Variants in AKAP19 observed in about 807,000 individuals in gnomAD.
AKAP19 encodes small A-kinase anchoring protein.
chr2:190,199,777 C>T, the AKAP19 span: 2 of 1,555,904 alleles, frequency 1.3e-6, no homozygotes, highest in Admixed American at 1.9e-5. Context: ...TGGTCAACAT[C>T]ACATGGACAA....
the AKAP19 span, among the ~76,000 whole-genome samples, chr2:189,988,643 C>G: frequency 7.2e-5 from 11 of 152,120 alleles, no homozygotes; most frequent in African/African-American, 2.7e-4. Flanking sequence ...AGAGAGGGAG[C>G]GAATCTTTTC....
chr2:189,973,833 C>G, the AKAP19 span, among the ~76,000 whole-genome samples: 17 of 152,064 alleles, frequency 1.1e-4, no homozygotes, highest in African/African-American at 4.1e-4. Flanking sequence ...GGTGATATCC[C>G]CTTTATCATT....
the AKAP19 span, among the ~76,000 whole-genome samples, chr2:190,016,534 C>G: frequency 6.6e-6 from 1 of 152,190 alleles, no homozygotes; most frequent in Non-Finnish European, 1.5e-5. Flanking sequence ...GATGGGGACA[C>G]AAAGCCTAAT....
the AKAP19 span, among the ~76,000 whole-genome samples, chr2:190,010,706 A>G: frequency 1.3e-5 from 2 of 152,196 alleles, no homozygotes; most frequent in African/African-American, 4.8e-5. Flanking sequence ...ATATCACAAA[A>G]TCTCTGCATA....
chr2:190,167,790 T>A, the AKAP19 span, among the ~76,000 whole-genome samples: 9 of 152,316 alleles, frequency 5.9e-5, no homozygotes. Context: ...TGAGTTCCCA[T>A]GGTCTTAGGC....
chr2:189,998,771 C>CTTTCT, the AKAP19 span, among the ~76,000 whole-genome samples: 64 of 97,548 alleles, frequency 6.6e-4, no homozygotes, highest in East Asian at 4.1e-3. Flanking sequence ...TTCTTTCTTT[C>CTTTCT]TTTTTTTTTT....
At chr2:190,105,793 ACT>A in the AKAP19 span, among the ~76,000 whole-genome samples, 1 of 152,118 alleles carries the variant, frequency 6.6e-6, no homozygotes, top group Non-Finnish European at 1.5e-5. Flanking sequence ...CTCAAACATG[ACT>A]CTGCCCTAGC....
At chr2:190,067,340 G>A in the AKAP19 span, among the ~76,000 whole-genome samples, 1 of 152,132 alleles carries the variant, frequency 6.6e-6, no homozygotes, top group African/African-American at 2.4e-5. Context: ...AAGCACCCCA[G>A]TGATCCCCAG....
the AKAP19 span, among the ~76,000 whole-genome samples, chr2:189,894,435 C>T: frequency 2.6e-5 from 4 of 152,020 alleles, no homozygotes; most frequent in Non-Finnish European, 5.9e-5. Context: ...TTTGGGCATC[C>T]TCAAATAAAA....
the AKAP19 span, among the ~76,000 whole-genome samples, chr2:190,105,358 G>T: frequency 6.6e-6 from 1 of 151,930 alleles, no homozygotes; most frequent in Non-Finnish European, 1.5e-5. Flanking sequence ...ATAATTACTG[G>T]CTGATTGATT....
the AKAP19 span, chr2:190,200,002 G>A: frequency 6.2e-7 from 1 of 1,614,094 alleles, no homozygotes; most frequent in East Asian, 2.2e-5. Flanking sequence ...CAAAGAGGAA[G>A]TGAAGGAACC....
At chr2:190,179,955 C>T in the AKAP19 span, among the ~76,000 whole-genome samples, 1 of 152,130 alleles carries the variant, frequency 6.6e-6, no homozygotes, top group Non-Finnish European at 1.5e-5. The surrounding 1 kb of genome is among the most constrained non-coding windows in gnomAD (Gnocchi z 6.0). Flanking sequence ...ATCACATGGA[C>T]TGTGCGGGGA....
chr2:190,050,847 T>C, the AKAP19 span, among the ~76,000 whole-genome samples: 7 of 152,224 alleles, frequency 4.6e-5, no homozygotes, highest in Non-Finnish European at 1.0e-4. Flanking sequence ...TGAGCTGAAC[T>C]GGATGTAAGG....
chr2:190,195,941 C>CTTTTTT, the AKAP19 span, among the ~76,000 whole-genome samples: 52 of 86,142 alleles, frequency 6.0e-4, no homozygotes, highest in Non-Finnish European at 9.3e-4. Flanking sequence ...CTGTGTCCAG[C>CTTTTTT]TTTTTTTTTT....
At chr2:190,059,546 A>G in the AKAP19 span, among the ~76,000 whole-genome samples, 1 of 151,990 alleles carries the variant, frequency 6.6e-6, no homozygotes, top group African/African-American at 2.4e-5. Flanking sequence ...AACCTTAAAT[A>G]TATTTAATAA....
the AKAP19 span, among the ~76,000 whole-genome samples, chr2:189,905,092 GT>G: frequency 2.0e-5 from 3 of 151,836 alleles, no homozygotes; most frequent in Non-Finnish European, 4.4e-5. Flanking sequence ...TATTACTCAA[GT>G]TTTTACCTAA....
At chr2:190,161,479 T>C in the AKAP19 span, among the ~76,000 whole-genome samples, 27 of 152,208 alleles carry the variant, frequency 1.8e-4, no homozygotes, top group African/African-American at 6.3e-4. Context: ...AGCAAGTAAG[T>C]AGACTCTAGG....
chr2:190,152,957 G>A, the AKAP19 span, among the ~76,000 whole-genome samples: 175 of 151,024 alleles, frequency 1.2e-3, no homozygotes, highest in African/African-American at 4.1e-3. Context: ...GTGCAGTGGC[G>A]TGATTTCAGC....
chr2:189,984,443 G>T, the AKAP19 span, among the ~76,000 whole-genome samples: 3 of 152,190 alleles, frequency 2.0e-5, no homozygotes, highest in South Asian at 6.2e-4. Flanking sequence ...AGATTTTAAG[G>T]TTATCTCTCT....
Sources: allele counts gnomAD v4.1 joint callset (sites outside exome capture counted in the v4.1 genomes callset), GRCh38; gene constraint gnomAD v4.1.1; non-coding constraint Gnocchi (gnomAD v3.1); transcripts MANE v1.5; gene names NCBI Gene and HGNC (gene_info 2026-07-23, HGNC 2026-07-21).